Variants in GPC6 observed in about 807,000 individuals in gnomAD.
The protein encoded by GPC6 is glypican 6, also known as glypican-6.
A neutral mutation model predicts 55.2 loss-of-function variants in GPC6; 14 were observed. The ratio of observed to expected loss-of-function variants is 0.25; its 90% confidence interval spans 0.17 to 0.40. The LOEUF is 0.40. Ranked by LOEUF, GPC6 falls within the 10% of genes least tolerant of loss-of-function variation. The pLI is 1.00. For synonymous variants in GPC6, 278 were observed against 259.6 expected, an observed-to-expected ratio of 1.07 and a Z score of -0.68; for missense variants, 641 against 708.5, an observed-to-expected ratio of 0.90 and a Z score of 1.08.
At chr13:94,226,469 T>C (rs919050571) in intron 4 of GPC6, among the ~76,000 whole-genome samples, 3 of 152,166 alleles carry the variant, frequency 2.0e-5, no homozygotes, top group African/African-American at 7.2e-5. Flanking sequence ...CTTAAGGTGA[T>C]GGATAAACTG....
In GPC6 at chr13:93,231,399, A is replaced by G. The variant is rs1256994778; in HGVS notation, c.160+3783A>G. On this transcript the variant is annotated intron_variant, in intron 1 of 8. Transcript: ENST00000377047. ...TATATACATATATATATATATATGT[A>G]TATATATATATATATATATATATAC... 3.6e-3 allele frequency among the ~76,000 whole-genome samples: 119 copies of G among 33,198 alleles called. 3 individuals are homozygous for G. Among genetic ancestry groups the G allele is most frequent in the South Asian group, 5.1e-3 (6 of 1,170 alleles). The allele number at this position is 33,198 out of a possible 152,430, so 21.8% of individuals were successfully genotyped here.
intron 1 of GPC6, among the ~76,000 whole-genome samples, chr13:93,391,585 G>A (rs1037655027): frequency 6.6e-6 from 1 of 152,298 alleles, no homozygotes; most frequent in African/African-American, 2.4e-5. Context: ...AAATACATAA[G>A]CATATGCATT....
chr13:93,748,818 A>C (rs1933783), intron 2 of GPC6, among the ~76,000 whole-genome samples: 72,962 of 151,882 alleles, frequency 0.48, 19,560 homozygotes, highest in Middle Eastern at 0.74. Context: ...TGAACAAGTG[A>C]AAACGAACAA....
At chr13:93,878,753 A>G (rs1433076186) in intron 3 of GPC6, among the ~76,000 whole-genome samples, 6 of 152,070 alleles carry the variant, frequency 3.9e-5, no homozygotes, top group African/African-American at 1.4e-4. Flanking sequence ...TGGGGCCCTC[A>G]CCAGACACTG....
intron 2 of GPC6, among the ~76,000 whole-genome samples, chr13:93,708,851 C>T (rs977326180): frequency 6.6e-6 from 1 of 151,696 alleles, no homozygotes; most frequent in African/African-American, 2.4e-5. Flanking sequence ...ACTCACTCCT[C>T]CCAGGTGTGA....
chr13:93,590,441 A>G (rs1019586205), intron 2 of GPC6, among the ~76,000 whole-genome samples: 4 of 152,172 alleles, frequency 2.6e-5, no homozygotes, highest in Non-Finnish European at 1.5e-5. Context: ...ATAACTACAA[A>G]TAATAGCTTT....
chr13:94,013,936 C>T, intron 3 of GPC6, among the ~76,000 whole-genome samples: 1 of 152,148 alleles, frequency 6.6e-6, no homozygotes, highest in East Asian at 1.9e-4. Context: ...GCAAATGCTT[C>T]ATAAGCCTCA....
chr13:93,385,988 A>T (rs1178607893), intron 1 of GPC6, among the ~76,000 whole-genome samples: 1 of 151,596 alleles, frequency 6.6e-6, no homozygotes, highest in African/African-American at 2.4e-5. Context: ...GAAGGGTCCA[A>T]TGGCATTTCA....
intron 1 of GPC6, among the ~76,000 whole-genome samples, chr13:93,328,816 A>G (rs1229152162): frequency 1.3e-5 from 2 of 152,168 alleles, no homozygotes; most frequent in African/African-American, 4.8e-5. Flanking sequence ...CTGAATTAGT[A>G]TTATAGAAGG....
chr13:94,079,295 G>T (rs1157776088), intron 4 of GPC6, among the ~76,000 whole-genome samples: 1 of 152,030 alleles, frequency 6.6e-6, no homozygotes, highest in Non-Finnish European at 1.5e-5. Context: ...TTGCTATAAG[G>T]CTACATTAGA....
intron 5 of GPC6, among the ~76,000 whole-genome samples, chr13:94,301,347 T>C (rs1875639569): frequency 6.6e-6 from 1 of 152,136 alleles, no homozygotes; most frequent in Admixed American, 6.5e-5. Context: ...CAGGGTGTTG[T>C]GTTTGTGCCA....
intron 1 of GPC6, among the ~76,000 whole-genome samples, chr13:93,373,109 C>A (rs1324810385): frequency 6.6e-6 from 1 of 152,180 alleles, no homozygotes; most frequent in African/African-American, 2.4e-5. Flanking sequence ...TTAAACCTAT[C>A]AAACAATCGT....
intron 4 of GPC6, among the ~76,000 whole-genome samples, chr13:94,157,394 T>C (rs945357875): frequency 2.6e-5 from 4 of 152,132 alleles, no homozygotes; most frequent in African/African-American, 9.7e-5. Flanking sequence ...AACTGGAGGC[T>C]GAATCATAGA....
chr13:93,264,438 CTTGCTCTT>C (rs1359651421), intron 1 of GPC6, among the ~76,000 whole-genome samples: 1 of 152,098 alleles, frequency 6.6e-6, no homozygotes, highest in Non-Finnish European at 1.5e-5. Flanking sequence ...GAGACAGATT[CTTGCTCTT>C]TTGCCCAGGC....
rs555251220 is a variant in GPC6 at position 94,372,367 on chromosome 13, G to A, written c.1153-10047G>A. ...GTCAGTGGGTGCGCGCACCGTGCGC[G>A]AGCCGAAGCAGGGCGAGGCATTGCC... is the stretch of plus-strand genomic sequence containing the variant. On this transcript the variant is annotated intron_variant, in intron 6 of 8. Transcript: ENST00000377047. Among the ~76,000 whole-genome samples, 337 of 152,270 alleles carry A rather than the reference G, an allele frequency of 2.2e-3. 3 individuals carry two copies. The highest frequency in any genetic ancestry group is 7.7e-3 in the African/African-American group (319 of 41,556).
At chr13:94,299,612 A>T (rs890874563) in intron 5 of GPC6, among the ~76,000 whole-genome samples, 1 of 152,220 alleles carries the variant, frequency 6.6e-6, no homozygotes, top group African/African-American at 2.4e-5. Context: ...CCATATTCGG[A>T]CACAGCAAGA....
chr13:93,933,336 G>A (rs1156838717), intron 3 of GPC6, among the ~76,000 whole-genome samples: 1 of 152,000 alleles, frequency 6.6e-6, no homozygotes, highest in Non-Finnish European at 1.5e-5. Flanking sequence ...GCTGGGATAG[G>A]CTCCTACAAC....
At chr13:93,709,284 C>G (rs1882967595) in intron 2 of GPC6, among the ~76,000 whole-genome samples, 2 of 151,766 alleles carry the variant, frequency 1.3e-5, no homozygotes, top group South Asian at 4.1e-4. Context: ...CACTTCTTAA[C>G]CTTCCCAAGA....
intron 2 of GPC6, among the ~76,000 whole-genome samples, chr13:93,785,979 TC>T (rs1172565774): frequency 1.3e-5 from 2 of 152,132 alleles, no homozygotes; most frequent in African/African-American, 4.8e-5. Flanking sequence ...AAGGGACTCA[TC>T]AATATATTTT....
Sources: gnomAD v4.1 joint callset for allele counts (sites outside exome capture counted in the v4.1 genomes callset) on GRCh38, gnomAD v4.1.1 for gene constraint, MANE v1.5 for transcripts, NCBI Gene and HGNC (gene_info 2026-07-23, HGNC 2026-07-21) for gene names.